The following GNAQ variants were observed in gnomAD, a reference collection of about 807,000 sequenced individuals.
The protein encoded by GNAQ is guanine nucleotide-binding protein G(q) subunit alpha.
Under a neutral mutation model 43.9 loss-of-function variants are expected in GNAQ, and 8 were observed. The ratio of observed to expected loss-of-function variants is 0.18; its 90% CI spans 0.11 to 0.33. The LOEUF is 0.33. Ranked by LOEUF, GNAQ falls within the 10% of genes least tolerant of loss-of-function variation. The pLI is 1.00. For missense variants in GNAQ, 158 were observed against 450.8 expected, an observed-to-expected ratio of 0.35 and a Z score of 5.88; for synonymous variants, 155 against 170.7, an observed-to-expected ratio of 0.91 and a Z score of 0.71.
At chr9:77,759,708 C>CTGTT (rs1825958864) in intron 5 of GNAQ, among the ~76,000 whole-genome samples, 1 of 152,054 alleles carries the variant, frequency 6.6e-6, no homozygotes, top group East Asian at 1.9e-4. Flanking sequence ...CAGAGATATT[C>CTGTT]TGTTGATATC....
chr9:77,976,390 G>T (rs775497551), intron 1 of GNAQ, among the ~76,000 whole-genome samples: 4 of 147,620 alleles, frequency 2.7e-5, no homozygotes, highest in South Asian at 2.1e-4. Flanking sequence ...GTTTTTTTTT[G>T]TTTTTGTTTT....
chr9:77,751,445 G>A (rs1201242583), intron 5 of GNAQ, among the ~76,000 whole-genome samples: 4 of 152,178 alleles, frequency 2.6e-5, no homozygotes, highest in African/African-American at 7.2e-5. Context: ...AGCAGATGCT[G>A]TAATTTTCAC....
chr9:77,719,427 G>A lies in GNAQ; in HGVS notation c.*1896C>T. 1 of 232,516 alleles carries A rather than the reference G, an allele frequency of 4.3e-6. No homozygotes were observed. Among genetic ancestry groups the A allele is most frequent in the Non-Finnish European group, 8.5e-6 (1 of 117,632 alleles). The allele number at this position is 232,516 out of a possible 1,614,324, so 14.4% of individuals were successfully genotyped here. A position where few individuals can be genotyped will look rare whatever the true frequency, so the allele number is the denominator to read the frequency against. On this transcript the variant is annotated 3_prime_UTR_variant, in exon 7 of 7. Transcript: ENST00000286548. ...GTTTGTTAAATTACAGGTACTTTCT[G>A]AGCAAGGGAAAAAAAAAGTAAGCTG...
chr9:77,940,311 G>A (rs140651506), intron 1 of GNAQ, among the ~76,000 whole-genome samples: 28 of 152,272 alleles, frequency 1.8e-4, no homozygotes, highest in East Asian at 3.9e-4. Flanking sequence ...TGTGCACAGC[G>A]GCTCACACCT....
intron 5 of GNAQ, among the ~76,000 whole-genome samples, chr9:77,760,282 A>G: frequency 6.6e-6 from 1 of 151,280 alleles, no homozygotes. Flanking sequence ...TACTGCTGCC[A>G]TCTCGGCTCA....
chr9:77,865,635 C>T (rs1827935839), intron 2 of GNAQ, among the ~76,000 whole-genome samples: 3 of 152,132 alleles, frequency 2.0e-5, no homozygotes, highest in Admixed American at 6.5e-5. Flanking sequence ...CATGCCTGAC[C>T]ACAAGGTGTT....
intron 3 of GNAQ, among the ~76,000 whole-genome samples, chr9:77,806,878 C>T (rs931273132): frequency 2.0e-5 from 3 of 151,986 alleles, no homozygotes; most frequent in South Asian, 2.1e-4. Flanking sequence ...TATAAATAAC[C>T]GTAATACAAT....
chr9:78,013,770 G>C (rs1823803565), intron 1 of GNAQ, among the ~76,000 whole-genome samples: 1 of 152,148 alleles, frequency 6.6e-6, no homozygotes, highest in Non-Finnish European at 1.5e-5. Flanking sequence ...ATACCTGCCA[G>C]AATGCCAAAT....
intron 5 of GNAQ, among the ~76,000 whole-genome samples, chr9:77,735,130 G>T (rs376407547): frequency 1.3e-5 from 2 of 152,096 alleles, no homozygotes; most frequent in African/African-American, 4.8e-5. Flanking sequence ...TTATGCTCCA[G>T]AATTCATACA....
intron 1 of GNAQ, among the ~76,000 whole-genome samples, chr9:77,935,268 A>C (rs1429674802): frequency 1.3e-5 from 2 of 152,170 alleles, no homozygotes; most frequent in Non-Finnish European, 2.9e-5. Context: ...CTTGGGGGGA[A>C]ATGTTGATGT....
intron 2 of GNAQ, among the ~76,000 whole-genome samples, chr9:77,865,035 C>T (rs1057235633): frequency 2.0e-5 from 3 of 152,184 alleles, no homozygotes; most frequent in African/African-American, 7.2e-5. Flanking sequence ...TTTTCACCTA[C>T]TAAAAGAAAA....
intron 5 of GNAQ, among the ~76,000 whole-genome samples, chr9:77,784,443 A>G (rs925978127): frequency 6.6e-6 from 1 of 152,196 alleles, no homozygotes; most frequent in East Asian, 1.9e-4. Flanking sequence ...GTTAGGTACA[A>G]ATGTTTATGA....
chr9:78,013,686 C>T (rs1823802628), intron 1 of GNAQ, among the ~76,000 whole-genome samples: 1 of 151,968 alleles, frequency 6.6e-6, no homozygotes, highest in African/African-American at 2.4e-5. Context: ...CTATAACAGA[C>T]AGGAACAAAA....
intron 1 of GNAQ, among the ~76,000 whole-genome samples, chr9:77,973,768 A>T (rs1011973444): frequency 5.3e-5 from 8 of 152,146 alleles, no homozygotes; most frequent in Admixed American, 5.2e-4. Context: ...CAGTGAGCTG[A>T]GATTGTGCCA....
rs1194551681 is a variant in GNAQ at position 77,717,832 on chromosome 9, A to G, written c.*3491T>C. On this transcript the variant is annotated 3_prime_UTR_variant, in exon 7 of 7. Transcript: ENST00000286548. ...GCAGGTTCTTAAAATTTTTTTTTCC[A>G]GTCTATTCATGACATTCAACAGAGC... 4.3e-6 allele frequency: 1 copy of G among 232,128 alleles called. No individual in the cohort carries two copies. The highest frequency in any genetic ancestry group is 8.5e-6 in the Non-Finnish European group (1 of 117,590). The allele number at this position is 232,128 out of a possible 1,614,324, so 14.4% of individuals were successfully genotyped here.
intron 2 of GNAQ, among the ~76,000 whole-genome samples, chr9:77,816,269 G>A (rs563826675): frequency 6.6e-6 from 1 of 152,022 alleles, no homozygotes; most frequent in African/African-American, 2.4e-5. Flanking sequence ...TTTAGGACAG[G>A]GCGTAAAACC....
intron 2 of GNAQ, among the ~76,000 whole-genome samples, chr9:77,886,480 G>T (rs1384975291): frequency 6.6e-6 from 1 of 150,808 alleles, no homozygotes; most frequent in Non-Finnish European, 1.5e-5. Flanking sequence ...CTACAGTTCA[G>T]AAAGAACGCC....
At chr9:77,791,436 G>C (rs1469718249) in intron 5 of GNAQ, among the ~76,000 whole-genome samples, 1 of 152,088 alleles carries the variant, frequency 6.6e-6, no homozygotes, top group Admixed American at 6.5e-5. Flanking sequence ...ATTCCATGCT[G>C]GTGTGTTATC....
At chr9:77,907,881 T>A (rs1432431008) in intron 2 of GNAQ, among the ~76,000 whole-genome samples, 4 of 152,194 alleles carry the variant, frequency 2.6e-5, no homozygotes, top group African/African-American at 9.7e-5. Flanking sequence ...TAACTGCATT[T>A]ACTCTTTTGC....
Sources: allele counts gnomAD v4.1 joint callset (sites outside exome capture counted in the v4.1 genomes callset), GRCh38; gene constraint gnomAD v4.1.1; transcripts MANE v1.5; gene names NCBI Gene and HGNC (gene_info 2026-07-23, HGNC 2026-07-21).